Variants in CCSER1 observed in about 807,000 individuals in gnomAD.
The protein encoded by CCSER1 is coiled-coil serine rich protein 1.
Under a neutral mutation model 82.0 loss-of-function variants are expected in CCSER1, and 41 were observed. The observed-to-expected ratio is 0.50, with a 90% CI of 0.39 to 0.65. The LOEUF is 0.65. Among genes scored for constraint, CCSER1 ranks in the 30% least tolerant of loss-of-function variants. The pLI, the probability that CCSER1 is intolerant of heterozygous loss-of-function variation, is 0.00. For synonymous variants in CCSER1, 414 were observed against 383.9 expected (o/e 1.08, Z -0.92); for missense variants, 1,119 against 1,064.2 (o/e 1.05, Z -0.72).
intron 6 of CCSER1, among the ~76,000 whole-genome samples, chr4:90,689,395 C>A (rs1735411072): frequency 6.6e-6 from 1 of 151,788 alleles, no homozygotes; most frequent in Non-Finnish European, 1.5e-5. Flanking sequence ...TTTATAGTGC[C>A]CAACATATCT....
At chr4:91,200,729 C>A (rs183515328) in intron 10 of CCSER1, among the ~76,000 whole-genome samples, 1 of 151,918 alleles carries the variant, frequency 6.6e-6, no homozygotes, top group Admixed American at 6.6e-5. Context: ...AAGGAATAAG[C>A]ATTTAACAGA....
Position 91,117,180 on chromosome 4 carries a change from C to T in CCSER1, c.2217+31186C>T, listed in dbSNP as rs184988546. Among the ~76,000 whole-genome samples, 8 of 152,258 alleles carry T rather than the reference C, an allele frequency of 5.3e-5. No individual in the cohort carries two copies. The East Asian group carries it at 9.6e-4, about 18-fold the overall frequency. ...AGATAGCATTCATTACAGCAACATCCATTTATATATGTAAACCTTGGTTCC... is the reference window on the plus strand; with the variant it reads ...AGATAGCATTCATTACAGCAACATCTATTTATATATGTAAACCTTGGTTCC... On this transcript the variant is annotated intron_variant, in intron 10 of 10. Coordinates refer to ENST00000509176, the MANE Select transcript of CCSER1 (RefSeq NM_001145065.2).
At position 91,122,039 on chromosome 4, in the gene CCSER1, C is replaced by T. The variant is rs150560872; in HGVS notation, c.2217+36045C>T. 1.4e-3 allele frequency among the ~76,000 whole-genome samples: 217 copies of T among 151,766 alleles called. 1 individual carries two copies. Among genetic ancestry groups the T allele is most frequent in the Non-Finnish European group, 2.3e-3 (158 of 67,644 alleles). ...AAATTACTTTTGTGATTTGTTTCTCCTCCAAAAATAATTTTGAAGTTATTT... is the reference window on the plus strand; with the variant it reads ...AAATTACTTTTGTGATTTGTTTCTCTTCCAAAAATAATTTTGAAGTTATTT... On this transcript the variant is annotated intron_variant, in intron 10 of 10. Transcript: ENST00000509176.
chr4:91,497,555 A>G (rs1434396647), intron 10 of CCSER1, among the ~76,000 whole-genome samples: 2 of 151,820 alleles, frequency 1.3e-5, no homozygotes, highest in Non-Finnish European at 2.9e-5. Flanking sequence ...AATGATAACT[A>G]TGGCTTTACA....
intron 10 of CCSER1, among the ~76,000 whole-genome samples, chr4:91,423,387 G>A (rs770614016): frequency 6.6e-6 from 1 of 151,888 alleles, no homozygotes; most frequent in African/African-American, 2.4e-5. Context: ...TTGAGATCAT[G>A]CCACTGCAAT....
chr4:90,586,928 C>G (rs1000132573), intron 5 of CCSER1, among the ~76,000 whole-genome samples: 1 of 152,102 alleles, frequency 6.6e-6, no homozygotes, highest in Admixed American at 6.6e-5. Flanking sequence ...TTTGCAGATG[C>G]GATTAATTTA....
chr4:90,288,080 G>A (rs1340631573), intron 1 of CCSER1, among the ~76,000 whole-genome samples: 2 of 151,840 alleles, frequency 1.3e-5, no homozygotes, highest in Admixed American at 6.6e-5. Context: ...TTGTTTATCT[G>A]TACCATGCTA....
intron 3 of CCSER1, among the ~76,000 whole-genome samples, chr4:90,328,412 G>A (rs1408135665): frequency 6.6e-6 from 1 of 151,756 alleles, no homozygotes; most frequent in Non-Finnish European, 1.5e-5. Flanking sequence ...TTTTAAAATA[G>A]TCAAGTAATT....
chr4:90,597,964 C>G (rs936792902), intron 5 of CCSER1, among the ~76,000 whole-genome samples: 3 of 152,004 alleles, frequency 2.0e-5, no homozygotes, highest in Non-Finnish European at 4.4e-5. Context: ...TGTCAAATGG[C>G]AGGATCTGAT....
chr4:90,307,651 A>T (rs187497527), intron 1 of CCSER1, among the ~76,000 whole-genome samples: 2,219 of 144,590 alleles, frequency 0.015, 33 homozygotes, highest in African/African-American at 0.044. Flanking sequence ...AGCATAATTT[A>T]AAAAAAAAAA....
At chr4:91,484,276 T>G (rs1239441914) in intron 10 of CCSER1, among the ~76,000 whole-genome samples, 1 of 152,150 alleles carries the variant, frequency 6.6e-6, no homozygotes, top group Non-Finnish European at 1.5e-5. Flanking sequence ...GCTCACTCTA[T>G]TCTTATATCT....
chr4:91,463,591 A>C (rs545148880), intron 10 of CCSER1, among the ~76,000 whole-genome samples: 186 of 152,310 alleles, frequency 1.2e-3, no homozygotes, highest in African/African-American at 4.4e-3. Flanking sequence ...ATCGCAAAGA[A>C]GCTACAAACC....
intron 5 of CCSER1, among the ~76,000 whole-genome samples, chr4:90,553,726 C>A (rs977220682): frequency 2.6e-5 from 4 of 152,148 alleles, no homozygotes; most frequent in African/African-American, 9.7e-5. Flanking sequence ...TTACTCTGCA[C>A]ATTTATTAAT....
At chr4:90,668,852 C>A (rs1401116715) in intron 6 of CCSER1, among the ~76,000 whole-genome samples, 2 of 152,012 alleles carry the variant, frequency 1.3e-5, no homozygotes, top group African/African-American at 4.8e-5. Context: ...GTATAAGAAA[C>A]TTTTAAAATT....
intron 9 of CCSER1, among the ~76,000 whole-genome samples, chr4:91,078,129 A>G (rs1031190282): frequency 1.4e-4 from 22 of 152,350 alleles, no homozygotes; most frequent in African/African-American, 4.8e-4. Flanking sequence ...ATCTGAGAAC[A>G]GACAGACTGC....
intron 4 of CCSER1, among the ~76,000 whole-genome samples, chr4:90,428,595 G>A (rs1757850088): frequency 6.6e-6 from 1 of 151,818 alleles, no homozygotes; most frequent in African/African-American, 2.4e-5. Flanking sequence ...TATTCATTAA[G>A]TAGAAGTGGA....
chr4:91,159,056 T>C (rs1488699800), intron 10 of CCSER1, among the ~76,000 whole-genome samples: 1 of 151,944 alleles, frequency 6.6e-6, no homozygotes, highest in Non-Finnish European at 1.5e-5. Flanking sequence ...CCTTAAGATT[T>C]CCAGTGATTT....
chr4:90,477,002 G>C (rs1765204887), intron 5 of CCSER1, among the ~76,000 whole-genome samples: 3 of 152,144 alleles, frequency 2.0e-5, no homozygotes, highest in Admixed American at 2.0e-4. Context: ...CACTGAAAAA[G>C]ATTGCAGGTG....
intron 4 of CCSER1, among the ~76,000 whole-genome samples, chr4:90,455,223 TA>T (rs1256931666): frequency 6.6e-6 from 1 of 152,228 alleles, no homozygotes; most frequent in African/African-American, 2.4e-5. Context: ...GTATTAAAAT[TA>T]ATACTTCATT....
Sources: allele counts gnomAD v4.1 joint callset (sites outside exome capture counted in the v4.1 genomes callset), GRCh38; gene constraint gnomAD v4.1.1; transcripts MANE v1.5; gene names NCBI Gene and HGNC (gene_info 2026-07-23, HGNC 2026-07-21).